Variants in SOX5 observed in about 807,000 individuals in gnomAD.
The protein encoded by SOX5 is transcription factor SOX-5.
SOX5 carries 9 observed loss-of-function variants against 92.0 expected under a neutral mutation model. The observed-to-expected ratio is 0.10, with a 90% CI of 0.06 to 0.17. The LOEUF is 0.17. Among genes scored for constraint, SOX5 ranks in the 10% least tolerant of loss-of-function variants. SOX5 has a pLI of 1.00. For missense variants in SOX5, 642 were observed against 944.5 expected (o/e 0.68, Z 4.20); for synonymous variants, 344 against 336.3 (o/e 1.02, Z -0.25).
chr12:24,133,629 G>A (rs577291203), intron 4 of SOX5, among the ~76,000 whole-genome samples: 1 of 152,130 alleles, frequency 6.6e-6, no homozygotes, highest in South Asian at 2.1e-4. Flanking sequence ...TGCAAGAGAG[G>A]TCACAACAGA....
At chr12:23,588,652 GT>G (rs1951081872) in intron 9 of SOX5, among the ~76,000 whole-genome samples, 1 of 151,608 alleles carries the variant, frequency 6.6e-6, no homozygotes, top group African/African-American at 2.4e-5. Flanking sequence ...TATTTTGAAT[GT>G]TGCTTTGGTC....
At chr12:23,937,830 A>C (rs1942911622) in intron 1 of SOX5, among the ~76,000 whole-genome samples, 1 of 151,006 alleles carries the variant, frequency 6.6e-6, no homozygotes, top group Non-Finnish European at 1.5e-5. Context: ...ACATGCATTC[A>C]AAACCCTATG....
chr12:23,683,383 A>T (rs968887654), intron 6 of SOX5, among the ~76,000 whole-genome samples: 1 of 151,932 alleles, frequency 6.6e-6, no homozygotes, highest in Non-Finnish European at 1.5e-5. Context: ...ACTTCGGTTC[A>T]TGTTCTTGAA....
rs531401482 is a variant in SOX5 at position 23,832,506 on chromosome 12, T to C, written c.481+13477A>G. On this transcript the variant is annotated intron_variant, in intron 3 of 14. Coordinates refer to ENST00000451604, the MANE Select transcript of SOX5 (RefSeq NM_006940.6). ...TAAAAATGTATAAAGGAGAATTATATTGAAATACATAATGTTTCTGGTATA... is the reference window on the plus strand; with the variant it reads ...TAAAAATGTATAAAGGAGAATTATACTGAAATACATAATGTTTCTGGTATA... 2.6e-5 allele frequency among the ~76,000 whole-genome samples: 4 copies of C among 152,176 alleles called. No homozygotes were observed. In the South Asian group the frequency reaches 6.2e-4, roughly 24 times the overall value.
intron 9 of SOX5, among the ~76,000 whole-genome samples, chr12:23,589,736 A>G (rs1397937419): frequency 1.3e-5 from 2 of 152,002 alleles, no homozygotes; most frequent in African/African-American, 4.8e-5. Flanking sequence ...TTTTGTATAA[A>G]TAACATTGTT....
intron 1 of SOX5, among the ~76,000 whole-genome samples, chr12:23,931,773 T>C (rs1941459950): frequency 6.6e-6 from 1 of 151,716 alleles, no homozygotes; most frequent in South Asian, 2.1e-4. Flanking sequence ...CTAGCATTTT[T>C]TCATAAAGAA....
chr12:24,436,263 G>C (rs1194873633), intron 1 of SOX5, among the ~76,000 whole-genome samples: 1 of 152,164 alleles, frequency 6.6e-6, no homozygotes, highest in African/African-American at 2.4e-5. Context: ...CTGAAAGCTA[G>C]GACTCTTGTG....
intron 4 of SOX5, among the ~76,000 whole-genome samples, chr12:24,042,096 T>G (rs1375918186): frequency 6.6e-6 from 1 of 152,010 alleles, no homozygotes; most frequent in Admixed American, 6.5e-5. Context: ...AATACCTAAT[T>G]TAATCATTTG....
At chr12:23,722,503 A>C (rs1269670714) in intron 6 of SOX5, among the ~76,000 whole-genome samples, 1 of 152,188 alleles carries the variant, frequency 6.6e-6, no homozygotes, top group Admixed American at 6.6e-5. Context: ...CTATAGTTAC[A>C]TATTTTTTAA....
At chr12:24,527,646 A>G (rs1428605508) in intron 1 of SOX5, among the ~76,000 whole-genome samples, 1 of 152,196 alleles carries the variant, frequency 6.6e-6, no homozygotes, top group African/African-American at 2.4e-5. Flanking sequence ...GTATTGCTTC[A>G]CATAATCAAA....
At chr12:23,611,386 G>GTA (rs1438568599) in intron 8 of SOX5, among the ~76,000 whole-genome samples, 8 of 144,362 alleles carry the variant, frequency 5.5e-5, no homozygotes, top group African/African-American at 2.0e-4. Context: ...GTGTGTGTGT[G>GTA]TGTGTGTGTA....
intron 2 of SOX5, among the ~76,000 whole-genome samples, chr12:23,851,395 G>C (rs759717814): frequency 6.6e-5 from 10 of 152,074 alleles, no homozygotes; most frequent in Non-Finnish European, 1.2e-4. Context: ...TCCTAAAAAT[G>C]AGATGTAAAT....
At chr12:24,138,847 T>C (rs1950322746) in intron 4 of SOX5, among the ~76,000 whole-genome samples, 2 of 152,146 alleles carry the variant, frequency 1.3e-5, no homozygotes, top group African/African-American at 4.8e-5. Flanking sequence ...ATTTTAAAAA[T>C]TGCTGAAGGA....
At position 23,677,761 on chromosome 12, in the gene SOX5, G is replaced by C. The variant is rs1265224516; in HGVS notation, c.811-12197C>G. Among the ~76,000 whole-genome samples the C allele has an allele frequency of 5.3e-5, 8 of 152,262 alleles. No homozygotes were observed. In the South Asian group the frequency reaches 1.2e-3, roughly 24 times the overall value. On this transcript the variant is annotated intron_variant, in intron 6 of 14. Coordinates refer to ENST00000451604, the MANE Select transcript of SOX5 (RefSeq NM_006940.6). Reference sequence around the variant, plus strand: ...GGTGCTAGATTGGTGTGAATGGCTAGTGATTGGATATTTATTTGTTTGTAG... The same window carrying C: ...GGTGCTAGATTGGTGTGAATGGCTACTGATTGGATATTTATTTGTTTGTAG...
rs1240910113 is a variant in SOX5, at chr12:23,870,864, G to GT, written c.271-24672dup. ...CTTATGTAAGATTTACTATGATGTA[G>GT]TTTTTTTTCTTCTTCTTCAATAGTT... On this transcript the variant is annotated intron_variant, in intron 2 of 14. Coordinates refer to ENST00000451604, the MANE Select transcript of SOX5 (RefSeq NM_006940.6). 7.9e-5 allele frequency among the ~76,000 whole-genome samples: 12 copies of GT among 151,774 alleles called. No homozygotes were observed. In the East Asian group the frequency reaches 1.4e-3, roughly 17 times the overall value.
At chr12:24,459,633 C>A (rs1229211543) in intron 1 of SOX5, among the ~76,000 whole-genome samples, 1 of 152,060 alleles carries the variant, frequency 6.6e-6, no homozygotes, top group Admixed American at 6.6e-5. Flanking sequence ...AAGAAAGAAA[C>A]CGACAGGAGT....
intron 3 of SOX5, among the ~76,000 whole-genome samples, chr12:24,271,459 C>T (rs1943723507): frequency 6.6e-6 from 1 of 152,058 alleles, no homozygotes; most frequent in South Asian, 2.1e-4. Context: ...TATTCTATTA[C>T]TCTAGGTCCT....
chr12:24,462,195 C>T lies in SOX5; in HGVS notation c.-250-93556G>A, dbSNP rs906116171. 6.6e-5 allele frequency among the ~76,000 whole-genome samples: 10 copies of T among 152,316 alleles called. No homozygotes were observed. The East Asian group carries it at 1.9e-3, about 29-fold the overall frequency. ...GCTATATGGCGCAGCCTATTACTCC[C>T]AGTCTATAAACCTGTACAGCCTGTT... On this transcript the variant is annotated intron_variant, in intron 1 of 4. Transcript: ENST00000446891.
Position 23,765,912 on chromosome 12 carries a change from C to T in SOX5, c.482-10188G>A, listed in dbSNP as rs547628090. 2.6e-5 allele frequency among the ~76,000 whole-genome samples: 4 copies of T among 152,152 alleles called. No homozygotes were observed. The East Asian group carries it at 7.7e-4, about 29-fold the overall frequency. On this transcript the variant is annotated intron_variant, in intron 3 of 14. Transcript: ENST00000451604. ...ACTGTGATAAGAACAAAGACATGGCCTCTGTACCTTAGGAAACTCATCATC... is the reference window on the plus strand; with the variant it reads ...ACTGTGATAAGAACAAAGACATGGCTTCTGTACCTTAGGAAACTCATCATC...
Sources: gnomAD v4.1 joint callset for allele counts (sites outside exome capture counted in the v4.1 genomes callset) on GRCh38, gnomAD v4.1.1 for gene constraint, MANE v1.5 for transcripts, NCBI Gene and HGNC (gene_info 2026-07-23, HGNC 2026-07-21) for gene names.